The following ANKRD44 variants were observed in gnomAD, a reference collection of about 807,000 sequenced individuals.
ANKRD44 encodes the protein serine/threonine-protein phosphatase 6 regulatory ankyrin repeat subunit B.
ANKRD44 carries 35 observed loss-of-function variants against 116.0 expected under a neutral mutation model. That is an observed-to-expected ratio of 0.30 (90% CI 0.23 to 0.40). ANKRD44 has a LOEUF of 0.40. Among genes scored for constraint, ANKRD44 ranks in the 10% least tolerant of loss-of-function variants. The pLI is 1.00. For missense variants in ANKRD44, 1,014 were observed against 1,242.6 expected (o/e 0.82, Z 2.77); for synonymous variants, 435 against 461.8 (o/e 0.94, Z 0.74).
rs376812776 is a variant in ANKRD44, at chr2:197,110,243, C to T, written c.985+523G>A. Among the ~76,000 whole-genome samples the T allele has an allele frequency of 3.3e-5, 5 of 152,104 alleles. No individual in the cohort carries two copies. In the East Asian group the frequency reaches 7.7e-4, roughly 24 times the overall value. Reference sequence around the variant, plus strand: ...CTGCCCACCTCGGCCTCCCAAAGTGCCTGGGATTACAGACGTGAGCCACCA... The same window carrying T: ...CTGCCCACCTCGGCCTCCCAAAGTGTCTGGGATTACAGACGTGAGCCACCA... On this transcript the variant is annotated intron_variant, in intron 9 of 27. Transcript: ENST00000282272.
At chr2:197,139,848 TTGTGTGTGTGTGTGTGTGTGTGTG>T (rs71012957) in intron 3 of ANKRD44, among the ~76,000 whole-genome samples, 8,036 of 131,668 alleles carry the variant, frequency 0.061, 331 homozygotes, top group Non-Finnish European at 0.089. Flanking sequence ...TAAGCTGCTT[TTGTGTGTGTGTGTGTGTGTGTGTG>T]TGTGTGTGTG....
chr2:197,296,035 C>A (rs1256207284), intron 1 of ANKRD44, among the ~76,000 whole-genome samples: 1 of 151,818 alleles, frequency 6.6e-6, no homozygotes, highest in Non-Finnish European at 1.5e-5. Context: ...CAGATTGAGA[C>A]CCTGTCTCAA....
At chr2:197,184,289 C>T (rs2080592337) in intron 2 of ANKRD44, among the ~76,000 whole-genome samples, 1 of 152,172 alleles carries the variant, frequency 6.6e-6, no homozygotes, top group African/African-American at 2.4e-5. Flanking sequence ...TGGCTAAATT[C>T]TGGTCCATGG....
chr2:197,008,961 C>G lies in ANKRD44; in HGVS notation c.1995G>C (p.Val665=). The G allele has an allele frequency of 6.2e-7, 1 of 1,614,168 alleles. No individual in the cohort carries two copies. Among genetic ancestry groups the G allele is most frequent in the Non-Finnish European group, 8.5e-7 (1 of 1,179,998 alleles). Residue 665 remains valine (V), a synonymous_variant, in exon 19 of 28, where the codon GTG becomes GTC. Transcript: ENST00000282272. ...GCACTTACTGTCCTTTGGCATCTTTCACATCGACCGCCTCCGGGTTGTCTG... is the reference window on the plus strand; with the variant it reads ...GCACTTACTGTCCTTTGGCATCTTTGACATCGACCGCCTCCGGGTTGTCTG... The part of the protein sequence containing the change: ...EIADNPEAVD[V]KDAKGQTPLM...
intron 2 of ANKRD44, among the ~76,000 whole-genome samples, chr2:197,173,581 T>C (rs1291010000): frequency 2.0e-5 from 3 of 152,158 alleles, no homozygotes; most frequent in Non-Finnish European, 1.5e-5. Context: ...AGAAAAACTA[T>C]CAAGGTTTTC....
chr2:197,197,354 G>A (rs1470283347), intron 1 of ANKRD44, among the ~76,000 whole-genome samples: 4 of 152,130 alleles, frequency 2.6e-5, no homozygotes, highest in African/African-American at 9.7e-5. Context: ...TCCTTTCACA[G>A]ACACCAACCC....
intron 1 of ANKRD44, among the ~76,000 whole-genome samples, chr2:197,243,885 C>G (rs915072051): frequency 1.3e-5 from 2 of 152,148 alleles, no homozygotes; most frequent in Admixed American, 6.5e-5. Flanking sequence ...GGTGGGGACA[C>G]AAACATTCAA....
rs373324271 is a variant in ANKRD44 at position 197,193,922 on chromosome 2, A to G, written c.28-6816T>C. Among the ~76,000 whole-genome samples the G allele has an allele frequency of 1.6e-3, 238 of 152,222 alleles. 1 individual carries two copies. Among genetic ancestry groups the G allele is most frequent in the African/African-American group, 5.2e-3 (215 of 41,540 alleles). On this transcript the variant is annotated intron_variant, in intron 1 of 27. Transcript: ENST00000282272. ...ACATAAATAAATAATAAAAAATAAC[A>G]CAACATATGCAACACCCCCAGCACG...
intron 1 of ANKRD44, among the ~76,000 whole-genome samples, chr2:197,219,291 A>G (rs1012036563): frequency 1.9e-4 from 29 of 151,936 alleles, no homozygotes; most frequent in African/African-American, 6.0e-4. Flanking sequence ...GATGGTCTTG[A>G]TCTCCTGACC....
At chr2:197,245,208 C>T (rs1055141714) in intron 1 of ANKRD44, among the ~76,000 whole-genome samples, 26 of 151,942 alleles carry the variant, frequency 1.7e-4, no homozygotes, top group Admixed American at 1.1e-3. Flanking sequence ...TGCAGTGAGC[C>T]GAGATTGTGC....
chr2:197,223,684 T>G (rs1478167848), intron 1 of ANKRD44, among the ~76,000 whole-genome samples: 3 of 152,166 alleles, frequency 2.0e-5, no homozygotes, highest in African/African-American at 7.2e-5. Flanking sequence ...AACCTAGAAT[T>G]GTGGGGTGTG....
chr2:197,064,535 G>A (rs2077389638), intron 16 of ANKRD44, among the ~76,000 whole-genome samples: 2 of 152,186 alleles, frequency 1.3e-5, no homozygotes, highest in African/African-American at 4.8e-5. Flanking sequence ...AGATCCATCA[G>A]GGTGCTGTAT....
At chr2:197,118,073 C>T (rs1319682021) in intron 8 of ANKRD44, among the ~76,000 whole-genome samples, 2 of 151,392 alleles carry the variant, frequency 1.3e-5, no homozygotes, top group African/African-American at 2.4e-5. Context: ...ATTAGCAGGG[C>T]GTGGTGGCGT....
chr2:197,127,711 T>C (rs1574507038), intron 4 of ANKRD44, among the ~76,000 whole-genome samples: 1 of 152,234 alleles, frequency 6.6e-6, no homozygotes, highest in Non-Finnish European at 1.5e-5. Flanking sequence ...GTGCAGAATG[T>C]ACAGGTTATA....
At chr2:197,118,627 G>GAGAA in intron 8 of ANKRD44, among the ~76,000 whole-genome samples, 2 of 138,104 alleles carry the variant, frequency 1.4e-5, no homozygotes, top group South Asian at 4.7e-4. Context: ...GAGAGAGAGA[G>GAGAA]AGAGAGAGAG....
At chr2:197,228,456 TTCCTTTTGACCTGG>T (rs2081772785) in intron 1 of ANKRD44, among the ~76,000 whole-genome samples, 1 of 152,236 alleles carries the variant, frequency 6.6e-6, no homozygotes, top group Non-Finnish European at 1.5e-5. Flanking sequence ...ACCAAGAGAT[TTCCTTTTGACCTGG>T]TCCAATTCTT....
At chr2:197,250,894 T>G (rs1442082496) in intron 1 of ANKRD44, 1 of 152,094 alleles carries the variant, frequency 6.6e-6, no homozygotes, top group Non-Finnish European at 1.5e-5. Flanking sequence ...GGTGGTAAGT[T>G]AGTTAAAGGA....
At chr2:197,122,407 T>A (rs1174221027) in intron 7 of ANKRD44, among the ~76,000 whole-genome samples, 1 of 152,204 alleles carries the variant, frequency 6.6e-6, no homozygotes, top group East Asian at 1.9e-4. Flanking sequence ...ATATATTACA[T>A]AGAATCTTTA....
At chr2:197,015,555 G>C in intron 17 of ANKRD44, 1 of 507,354 alleles carries the variant, frequency 2.0e-6, no homozygotes. Flanking sequence ...GCAATTTTAT[G>C]GGTGGTAGAG....
Sources: gnomAD v4.1 joint callset for allele counts (sites outside exome capture counted in the v4.1 genomes callset) on GRCh38, gnomAD v4.1.1 for gene constraint, MANE v1.5 for transcripts, NCBI Gene and HGNC (gene_info 2026-07-23, HGNC 2026-07-21) for gene names.